EEF1G: variants seen among roughly 807,000 people sequenced by gnomAD.
EEF1G encodes eukaryotic translation elongation factor 1 gamma.
A neutral mutation model predicts 58.3 loss-of-function variants in EEF1G; 14 were observed. The observed-to-expected ratio is 0.24, with a 90% CI of 0.16 to 0.38. The LOEUF (loss-of-function observed/expected upper bound fraction) is 0.38. Among genes scored for constraint, EEF1G ranks in the 10% least tolerant of loss-of-function variants. The pLI is 1.00. For missense variants in EEF1G, 322 were observed against 550.1 expected (o/e 0.59, Z 4.15); for synonymous variants, 180 against 206.8 (o/e 0.87, Z 1.11).
intron 7 of EEF1G, among the ~76,000 whole-genome samples, chr11:62,561,334 G>A (rs1267861922): frequency 4.6e-5 from 7 of 151,562 alleles, no homozygotes; most frequent in South Asian, 2.1e-4. Flanking sequence ...AGCAGAGATC[G>A]CGCCACTGCA....
At chr11:62,567,196 T>C in intron 6 of EEF1G, 186 bp from the exon 7 acceptor site, 1 of 923,978 alleles carries the variant, frequency 1.1e-6, no homozygotes, top group Non-Finnish European at 1.6e-6. Flanking sequence ...CAACAAATAC[T>C]TTATATCGCA....
chr11:62,560,517 G>A, intron 7 of EEF1G, 63 bp from the exon 8 acceptor site: 2 of 1,546,796 alleles, frequency 1.3e-6, no homozygotes, highest in Non-Finnish European at 1.8e-6. Context: ...TAAGAGAAGT[G>A]AAGGGTGCTT....
At chr11:62,572,796 A>C in intron 1 of EEF1G, 54 bp from the exon 2 acceptor site, 1 of 1,525,488 alleles carries the variant, frequency 6.6e-7, no homozygotes, top group Non-Finnish European at 9.0e-7. Context: ...CCAGTCCTTA[A>C]TGCCACTCTC....
chr11:62,567,446 G>A lies in EEF1G; in HGVS notation c.605C>T (p.Ala202Val), dbSNP rs1941570615. 2 of 1,612,534 alleles carry A rather than the reference G, an allele frequency of 1.2e-6. No homozygotes were observed. Among genetic ancestry groups the A allele is most frequent in the East Asian group, 2.2e-5 (1 of 44,874 alleles). The change falls in exon 6 of 10, where the codon GCT becomes GTT. Residue 202 changes from alanine to valine, a missense_variant. Physicochemically the swap from Ala to Val is moderately conservative, Grantham distance 64 (BLOSUM62 0). Around this residue, in one of 3 missense-constraint regions of EEF1G, gnomAD observed 208 missense variants for 323.7 expected, o/e 0.64. Transcript: ENST00000329251. ...ACACAGTTTCACTTCGCCCAAGACA[G>A]CCCGGAACTGGGGCTGGTTAATGCA... ...LTCINQPQFR[A>V]VLGEVKLCEK...
At chr11:62,567,210 C>T in intron 6 of EEF1G, 189 bp downstream of exon 6, 1 of 931,840 alleles carries the variant, frequency 1.1e-6, no homozygotes, top group Middle Eastern at 3.0e-4. Flanking sequence ...TATCGCAAAT[C>T]TATATAGTAA....
chr11:62,563,426 G>A (rs779924027), intron 7 of EEF1G, among the ~76,000 whole-genome samples: 8 of 152,238 alleles, frequency 5.3e-5, no homozygotes, highest in Admixed American at 2.0e-4. Flanking sequence ...GTGAGCCACC[G>A]CGCCCAGCCT....
intron 1 of EEF1G, chr11:62,572,991 A>G: frequency 3.0e-6 from 1 of 328,798 alleles, no homozygotes; most frequent in Non-Finnish European, 5.5e-6. Flanking sequence ...ACACCTCTGG[A>G]AGTATTCTCT....
At chr11:62,567,169 A>T (rs757449375) in intron 6 of EEF1G, 159 bp from the exon 7 acceptor site, 1 of 925,406 alleles carries the variant, frequency 1.1e-6, no homozygotes, top group Non-Finnish European at 1.6e-6. Context: ...TGTGTCCTCC[A>T]GCAACAACAC....
intron 4 of EEF1G, 32 bp downstream of exon 4, chr11:62,571,508 C>T (rs1339143895): frequency 3.2e-6 from 5 of 1,575,094 alleles, no homozygotes. Context: ...GCCACCCCTG[C>T]CCCTGGCTTC....
intron 7 of EEF1G, among the ~76,000 whole-genome samples, chr11:62,560,701 G>A (rs1478893937): frequency 6.6e-6 from 1 of 152,186 alleles, no homozygotes; most frequent in Non-Finnish European, 1.5e-5. Context: ...ACCTGCCCCA[G>A]GAAGGGCATG....
At chr11:62,564,465 C>CA (rs1251249189) in intron 7 of EEF1G, among the ~76,000 whole-genome samples, 3,380 of 52,200 alleles carry the variant, frequency 0.065, 90 homozygotes, top group African/African-American at 0.15. Flanking sequence ...CTCTGTCTCA[C>CA]AAAAAAAAAA....
At chr11:62,563,383 G>A (rs1013588361) in intron 7 of EEF1G, among the ~76,000 whole-genome samples, 2 of 152,032 alleles carry the variant, frequency 1.3e-5, no homozygotes, top group African/African-American at 2.4e-5. Flanking sequence ...TGATCCACCC[G>A]CCTCAGCCTC....
chr11:62,561,378 T>G (rs373526709), intron 7 of EEF1G, among the ~76,000 whole-genome samples: 12 of 137,664 alleles, frequency 8.7e-5, no homozygotes, highest in African/African-American at 3.0e-4. Context: ...GAGTCCTGTC[T>G]GGGGGGAAAA....
At chr11:62,560,789 T>C (rs1415494199) in intron 7 of EEF1G, among the ~76,000 whole-genome samples, 1 of 152,124 alleles carries the variant, frequency 6.6e-6, no homozygotes, top group Non-Finnish European at 1.5e-5. Context: ...CTGTTTTCCA[T>C]GAACCACACT....
In EEF1G at chr11:62,566,976, G is replaced by C; in HGVS notation, c.687C>G (p.Asp229Glu). 1 of 1,614,002 alleles carries C rather than the reference G, an allele frequency of 6.2e-7. No individual in the cohort carries two copies. The part of the protein sequence containing the change: ...KKFAETQPKK[D>E]TPRKEKGSRE... ...GTGAACCCTTCTCTTTCCGTGGTGT[G>C]TCCTTTTTAGGTTGGGTCTCTGCAA... Residue 229 changes from aspartate to glutamate, a missense_variant, in exon 7 of 10, where the codon GAC becomes GAG. Physicochemically the swap from Asp to Glu is conservative, Grantham distance 45 (BLOSUM62 2). Around this residue, in one of 3 missense-constraint regions of EEF1G, gnomAD observed 208 missense variants for 323.7 expected, o/e 0.64. Transcript: ENST00000329251.
chr11:62,568,144 C>T lies in EEF1G; in HGVS notation c.523-616G>A, dbSNP rs181712055. Among the ~76,000 whole-genome samples, 258 of 151,496 alleles carry T rather than the reference C, an allele frequency of 1.7e-3. 1 individual carries two copies. Among genetic ancestry groups the T allele is most frequent in the African/African-American group, 6.0e-3 (247 of 41,350 alleles). On this transcript the variant is annotated intron_variant, in intron 5 of 9. Transcript: ENST00000329251. Reference sequence around the variant, plus strand: ...TCGGGACGCTAAGGCAGGAGAATGGCGTGAACCCGGGAGGCGGAGCTTGCA... The same window carrying T: ...TCGGGACGCTAAGGCAGGAGAATGGTGTGAACCCGGGAGGCGGAGCTTGCA...
intron 6 of EEF1G, 85 bp downstream of exon 6, chr11:62,567,314 A>G: frequency 6.7e-7 from 1 of 1,496,968 alleles, no homozygotes; most frequent in Non-Finnish European, 8.9e-7. Flanking sequence ...CATAACCCAA[A>G]AGCAAGACAG....
chr11:62,567,064 C>G, intron 6 of EEF1G, 54 bp from the exon 7 acceptor site: 1 of 1,572,190 alleles, frequency 6.4e-7, no homozygotes, highest in South Asian at 1.1e-5. Context: ...TTTCCACACC[C>G]CTCCAAAACC....
At chr11:62,573,181 C>CG (rs1398124463) in intron 1 of EEF1G, 1 of 158,416 alleles carries the variant, frequency 6.3e-6, no homozygotes, top group East Asian at 1.9e-4. Context: ...GTCTCTAAGG[C>CG]ACGCACGACG....
Sources: allele counts gnomAD v4.1 joint callset (sites outside exome capture counted in the v4.1 genomes callset), GRCh38; gene constraint gnomAD v4.1.1; regional missense constraint gnomAD v4.1.1; transcripts MANE v1.5; gene names NCBI Gene and HGNC (gene_info 2026-07-23, HGNC 2026-07-21).